STXBP5L: variants seen among roughly 807,000 people sequenced by gnomAD.
STXBP5L encodes syntaxin binding protein 5L.
A neutral mutation model predicts 144.5 loss-of-function variants in STXBP5L; 65 were observed. The observed-to-expected ratio is 0.45, with a 90% confidence interval of 0.37 to 0.55. The LOEUF (loss-of-function observed/expected upper bound fraction) is 0.55, where lower values mean the gene tolerates loss of function less well. Among genes scored for constraint, STXBP5L ranks in the 20% least tolerant of loss-of-function variants. The pLI is 0.00. For missense variants in STXBP5L, 1,298 were observed against 1,405.5 expected (o/e 0.92, Z 1.22); for synonymous variants, 505 against 469.6 (o/e 1.08, Z -0.97).
In STXBP5L at chr3:120,991,827, G is replaced by T. The variant is rs183230716; in HGVS notation, c.287+36790G>T. On this transcript the variant is annotated intron_variant, in intron 3 of 26. Coordinates refer to ENST00000471454, the MANE Select transcript of STXBP5L (RefSeq NM_001308330.2). ...GGCCTGTTGTGGGGTGGGGGCAGGGGGGAGGGATAGCATTAGGAGATATAT... is the reference window on the plus strand; with the variant it reads ...GGCCTGTTGTGGGGTGGGGGCAGGGTGGAGGGATAGCATTAGGAGATATAT... Among the ~76,000 whole-genome samples the T allele has an allele frequency of 2.0e-5, 3 of 149,126 alleles. No homozygotes were observed. In the East Asian group the frequency reaches 6.0e-4, roughly 30 times the overall value.
intron 8 of STXBP5L, among the ~76,000 whole-genome samples, chr3:121,153,087 A>G (rs763153637): frequency 5.3e-5 from 8 of 152,096 alleles, no homozygotes; most frequent in Non-Finnish European, 1.0e-4. Context: ...CCAGATATTA[A>G]TAAGTGACAC....
At chr3:120,909,866 T>C (rs2107541693) in intron 2 of STXBP5L, 99 bp downstream of exon 2, 2 of 1,269,012 alleles carry the variant, frequency 1.6e-6, no homozygotes, top group Middle Eastern at 5.1e-4. Context: ...ACTGTTGAGA[T>C]GTCAGCATCA....
chr3:121,306,559 A>G (rs962567865), intron 19 of STXBP5L, among the ~76,000 whole-genome samples: 6 of 152,198 alleles, frequency 3.9e-5, no homozygotes, highest in Non-Finnish European at 7.3e-5. Context: ...AATGCGGTCT[A>G]CGTGAATAGA....
intron 19 of STXBP5L, among the ~76,000 whole-genome samples, chr3:121,311,582 C>T (rs1324177020): frequency 6.6e-6 from 1 of 152,114 alleles, no homozygotes; most frequent in African/African-American, 2.4e-5. Context: ...TGAGTGAACT[C>T]CCATTCACAA....
At chr3:121,078,021 G>T (rs1220328922) in intron 5 of STXBP5L, among the ~76,000 whole-genome samples, 13 of 152,112 alleles carry the variant, frequency 8.5e-5, no homozygotes, top group Admixed American at 3.9e-4. Flanking sequence ...GCTAGACACA[G>T]GGTGCTGATT....
intron 3 of STXBP5L, among the ~76,000 whole-genome samples, chr3:120,992,118 T>A (rs1406298083): frequency 6.6e-6 from 1 of 152,194 alleles, no homozygotes; most frequent in Non-Finnish European, 1.5e-5. Flanking sequence ...AAAATCTATG[T>A]CAATCTGCTT....
intron 19 of STXBP5L, among the ~76,000 whole-genome samples, chr3:121,302,939 C>T (rs2051980758): frequency 3.9e-5 from 6 of 152,118 alleles, no homozygotes; most frequent in Admixed American, 3.3e-4. Flanking sequence ...TAGAAGAAAA[C>T]CTAGGCAATA....
At chr3:121,286,831 G>A (rs2051248935) in intron 19 of STXBP5L, among the ~76,000 whole-genome samples, 1 of 150,010 alleles carries the variant, frequency 6.7e-6, no homozygotes, top group Non-Finnish European at 1.5e-5. Context: ...ATCAAACAAT[G>A]AAAAAAAAAA....
At chr3:121,112,873 CAT>C (rs2044056923) in intron 5 of STXBP5L, among the ~76,000 whole-genome samples, 2 of 152,104 alleles carry the variant, frequency 1.3e-5, no homozygotes, top group Non-Finnish European at 2.9e-5. Flanking sequence ...ATTGACTAAT[CAT>C]ATATTAGAGC....
chr3:121,129,102 C>T (rs183417278), intron 7 of STXBP5L, among the ~76,000 whole-genome samples: 41 of 152,062 alleles, frequency 2.7e-4, no homozygotes, highest in African/African-American at 7.9e-4. Flanking sequence ...AGTTGATAGA[C>T]GGAGTTTTGG....
At chr3:120,977,716 A>C (rs904731756) in intron 3 of STXBP5L, among the ~76,000 whole-genome samples, 99 of 152,096 alleles carry the variant, frequency 6.5e-4, no homozygotes, top group Non-Finnish European at 2.4e-4. Flanking sequence ...TGCTTCCTTC[A>C]GGAGCTCTTT....
chr3:121,115,171 T>C, intron 6 of STXBP5L, 112 bp downstream of exon 6: 1 of 1,103,952 alleles, frequency 9.1e-7, no homozygotes, highest in South Asian at 1.8e-5. Flanking sequence ...TATAATGAAT[T>C]TGAGTGAAAA....
intron 3 of STXBP5L, among the ~76,000 whole-genome samples, chr3:120,974,803 C>T (rs1464812676): frequency 6.6e-6 from 1 of 152,050 alleles, no homozygotes; most frequent in Non-Finnish European, 1.5e-5. Context: ...ATAGGGAATC[C>T]TTTCCCCATT....
chr3:121,287,068 T>C (rs1437551809), intron 19 of STXBP5L, among the ~76,000 whole-genome samples: 1 of 152,158 alleles, frequency 6.6e-6, no homozygotes, highest in African/African-American at 2.4e-5. Flanking sequence ...CGTATACATA[T>C]GATGCAGCTA....
At chr3:121,390,362 T>C (rs1380825112) in intron 22 of STXBP5L, among the ~76,000 whole-genome samples, 1 of 152,214 alleles carries the variant, frequency 6.6e-6, no homozygotes, top group Non-Finnish European at 1.5e-5. Context: ...CTGTGTCTTT[T>C]AATTGGGGCA....
At chr3:121,189,498 C>T (rs972335838) in intron 9 of STXBP5L, among the ~76,000 whole-genome samples, 4 of 152,274 alleles carry the variant, frequency 2.6e-5, no homozygotes, top group African/African-American at 9.6e-5. Context: ...TCATTTCTTG[C>T]TTTTGTCAGG....
intron 3 of STXBP5L, among the ~76,000 whole-genome samples, chr3:120,993,151 A>C (rs1001230166): frequency 2.0e-5 from 3 of 150,652 alleles, no homozygotes; most frequent in African/African-American, 7.4e-5. Context: ...GGGATTATTT[A>C]TTTGTTTGTT....
Position 121,132,131 on chromosome 3 carries a change from G to C in STXBP5L, c.669+10427G>C, listed in dbSNP as rs569972652. Among the ~76,000 whole-genome samples, 13 of 152,300 alleles carry C rather than the reference G, an allele frequency of 8.5e-5. No individual in the cohort carries two copies. In the East Asian group the frequency reaches 1.2e-3, roughly 14 times the overall value. ...GCACTGACAGCTCTGAAACAGCCTA[G>C]CTGCCTAGACAAGAATGGAGGCAGC... On this transcript the variant is annotated intron_variant, in intron 7 of 26. Transcript: ENST00000471454.
At chr3:120,978,020 G>T (rs573130756) in intron 3 of STXBP5L, among the ~76,000 whole-genome samples, 1 of 152,204 alleles carries the variant, frequency 6.6e-6, no homozygotes, top group East Asian at 1.9e-4. Flanking sequence ...ACAATTATGT[G>T]TCTTGGAGTT....
Sources: allele counts gnomAD v4.1 joint callset (sites outside exome capture counted in the v4.1 genomes callset), GRCh38; gene constraint gnomAD v4.1.1; transcripts MANE v1.5; gene names NCBI Gene and HGNC (gene_info 2026-07-23, HGNC 2026-07-21).